SHISA9: variants seen among roughly 807,000 people sequenced by gnomAD.
The protein encoded by SHISA9 is shisa family member 9, also known as protein shisa-9.
In SHISA9, 13 loss-of-function variants were observed where a neutral mutation model predicts 38.0. The ratio of observed to expected loss-of-function variants is 0.34; its 90% CI spans 0.22 to 0.54. The LOEUF (loss-of-function observed/expected upper bound fraction) is 0.54, where lower values mean the gene tolerates loss of function less well. Ranked by LOEUF, SHISA9 falls within the 20% of genes least tolerant of loss-of-function variation. The pLI, the probability that SHISA9 is intolerant of heterozygous loss-of-function variation, is 0.91. For synonymous variants in SHISA9, 275 were observed against 242.0 expected (o/e 1.14, Z -1.27); for missense variants, 538 against 575.8 (o/e 0.93, Z 0.67).
chr16:13,144,196 A>G (rs1427218560), intron 2 of SHISA9, among the ~76,000 whole-genome samples: 1 of 149,676 alleles, frequency 6.7e-6, no homozygotes, highest in Non-Finnish European at 1.5e-5. Flanking sequence ...CTCTGTCATC[A>G]GGCTGGAGTG....
At chr16:12,916,289 C>CTCAA (rs1897023598) in intron 1 of SHISA9, among the ~76,000 whole-genome samples, 1 of 152,132 alleles carries the variant, frequency 6.6e-6, no homozygotes, top group Admixed American at 6.5e-5. Context: ...ATGGCAAATA[C>CTCAA]TCAATAAATG....
chr16:12,915,197 G>C (rs187868161), intron 1 of SHISA9, among the ~76,000 whole-genome samples: 2 of 152,160 alleles, frequency 1.3e-5, no homozygotes, highest in South Asian at 2.1e-4. Context: ...GCGGTGGCTC[G>C]TGCTTGTAAT....
At chr16:13,531,955 C>T in the SHISA9 span, among the ~76,000 whole-genome samples, 3 of 152,146 alleles carry the variant, frequency 2.0e-5, no homozygotes, top group East Asian at 3.9e-4. Context: ...AGTGATGACA[C>T]GAAGAAGAAG....
chr16:13,300,797 G>T, the SHISA9 span, among the ~76,000 whole-genome samples: 1 of 151,620 alleles, frequency 6.6e-6, no homozygotes, highest in Non-Finnish European at 1.5e-5. Context: ...GCACAAAATG[G>T]AGCACTTATT....
At chr16:13,258,675 C>T in the SHISA9 span, among the ~76,000 whole-genome samples, 11 of 152,276 alleles carry the variant, frequency 7.2e-5, 1 homozygote, top group Admixed American at 6.5e-4. Context: ...GAGGCAAAAG[C>T]CACTTCTTAC....
intron 2 of SHISA9, among the ~76,000 whole-genome samples, chr16:13,197,103 A>G (rs1339288765): frequency 2.6e-5 from 1 of 38,290 alleles, no homozygotes; most frequent in East Asian, 8.8e-4. Context: ...CTCTCTGTAC[A>G]TACACACACA....
the SHISA9 span, among the ~76,000 whole-genome samples, chr16:13,267,786 T>C: frequency 2.0e-5 from 3 of 152,054 alleles, no homozygotes; most frequent in East Asian, 5.8e-4. Flanking sequence ...TCTGTAAAAT[T>C]GAACTAATAG....
chr16:13,527,334 C>A, the SHISA9 span, among the ~76,000 whole-genome samples: 2 of 152,208 alleles, frequency 1.3e-5, no homozygotes, highest in African/African-American at 4.8e-5. Context: ...GTGGGAGCCG[C>A]CATTTTAGTA....
chr16:13,406,628 G>A, the SHISA9 span, among the ~76,000 whole-genome samples: 8 of 152,128 alleles, frequency 5.3e-5, no homozygotes, highest in South Asian at 2.1e-4. Flanking sequence ...ACGACCCTGC[G>A]GGTTGGGAAG....
the SHISA9 span, among the ~76,000 whole-genome samples, chr16:13,376,219 A>G: frequency 3.3e-5 from 5 of 152,362 alleles, no homozygotes; most frequent in East Asian, 1.9e-4. Flanking sequence ...CATGGTTTCA[A>G]TGAACACAAA....
intron 2 of SHISA9, among the ~76,000 whole-genome samples, chr16:13,045,509 G>A (rs1276818902): frequency 6.6e-6 from 1 of 151,832 alleles, no homozygotes; most frequent in African/African-American, 2.4e-5. Context: ...TATTTATTGA[G>A]CATCTACTAC....
the SHISA9 span, among the ~76,000 whole-genome samples, chr16:13,536,181 T>C: frequency 9.2e-5 from 14 of 152,090 alleles, no homozygotes; most frequent in African/African-American, 3.1e-4. Context: ...GTATTTTTAG[T>C]AGAGATGGGG....
At chr16:13,388,094 T>TA in the SHISA9 span, among the ~76,000 whole-genome samples, 1 of 152,178 alleles carries the variant, frequency 6.6e-6, no homozygotes, top group African/African-American at 2.4e-5. Context: ...GGGAGCTCTA[T>TA]ATCCTACAAG....
intron 4 of SHISA9, among the ~76,000 whole-genome samples, chr16:13,224,981 C>G (rs180861857): frequency 1.5e-3 from 231 of 152,214 alleles, no homozygotes; most frequent in Non-Finnish European, 2.9e-3. Context: ...GCTGGGAATG[C>G]ACATGGAAAT....
the SHISA9 span, among the ~76,000 whole-genome samples, chr16:13,248,110 G>T: frequency 1.9e-4 from 29 of 152,296 alleles, no homozygotes; most frequent in Non-Finnish European, 3.7e-4. Context: ...TCAGCACCAT[G>T]CGGGTCTTAA....
intron 2 of SHISA9, among the ~76,000 whole-genome samples, chr16:13,066,981 G>T (rs373717555): frequency 6.6e-6 from 1 of 152,220 alleles, no homozygotes; most frequent in South Asian, 2.1e-4. Flanking sequence ...ACTGTATTGG[G>T]CTGGAGTATC....
the SHISA9 span, among the ~76,000 whole-genome samples, chr16:13,288,381 G>A: frequency 2.0e-5 from 3 of 152,042 alleles, no homozygotes; most frequent in Admixed American, 2.0e-4. Flanking sequence ...ACAGAGGACG[G>A]CCTTCTCATT....
chr16:12,956,519 A>G (rs2071837091), intron 2 of SHISA9, among the ~76,000 whole-genome samples: 1 of 152,226 alleles, frequency 6.6e-6, no homozygotes, highest in African/African-American at 2.4e-5. Flanking sequence ...TGTGGTATGT[A>G]TACACTGTGG....
At chr16:13,296,891 CAAAAAAAAAAAAA>C in the SHISA9 span, among the ~76,000 whole-genome samples, 24 of 26,592 alleles carry the variant, frequency 9.0e-4, no homozygotes, top group East Asian at 1.4e-3. Context: ...AACTCCATCT[CAAAAAAAAAAAAA>C]AAAAAAAAAA....
Sources: allele counts gnomAD v4.1 joint callset (sites outside exome capture counted in the v4.1 genomes callset), GRCh38; gene constraint gnomAD v4.1.1; transcripts MANE v1.5; gene names NCBI Gene and HGNC (gene_info 2026-07-23, HGNC 2026-07-21).